CEP128: variants seen among roughly 807,000 people sequenced by gnomAD.
CEP128 encodes the protein centrosomal protein 128kDa.
Under a neutral mutation model 156.7 loss-of-function variants are expected in CEP128, and 132 were observed. That is an observed-to-expected ratio of 0.84 (90% confidence interval 0.73 to 0.97). The LOEUF (loss-of-function observed/expected upper bound fraction) is 0.97, where lower values mean the gene tolerates loss of function less well. CEP128 is among the 50% of genes least tolerant of loss of function. The pLI, the probability that CEP128 is intolerant of heterozygous loss-of-function variation, is 0.00. For synonymous variants in CEP128, 469 were observed against 448.9 expected (o/e 1.04, Z -0.57); for missense variants, 1,252 against 1,281.9 (o/e 0.98, Z 0.36).
intron 19 of CEP128, among the ~76,000 whole-genome samples, chr14:80,598,607 A>G (rs969095466): frequency 6.6e-5 from 10 of 152,174 alleles, no homozygotes; most frequent in Non-Finnish European, 1.2e-4. Context: ...TTTTGTAGCT[A>G]ACAACAAGAT....
intron 21 of CEP128, among the ~76,000 whole-genome samples, chr14:80,553,285 CCT>C (rs1381510584): frequency 2.0e-5 from 3 of 152,064 alleles, no homozygotes; most frequent in African/African-American, 7.2e-5. Flanking sequence ...ATGTTCGCTC[CCT>C]GTGTCCATGT....
At chr14:80,947,352 A>C (rs1316857343) in intron 2 of CEP128, among the ~76,000 whole-genome samples, 1 of 152,170 alleles carries the variant, frequency 6.6e-6, no homozygotes, top group Non-Finnish European at 1.5e-5. Context: ...GAAAGCAGAA[A>C]GGGAGGGGAG....
At chr14:80,721,328 G>T (rs1183894671) in intron 19 of CEP128, among the ~76,000 whole-genome samples, 1 of 152,036 alleles carries the variant, frequency 6.6e-6, no homozygotes, top group Non-Finnish European at 1.5e-5. Context: ...CCAAAAAATG[G>T]CCAGTATAAA....
chr14:80,822,476 C>T, intron 13 of CEP128: 1 of 567,856 alleles, frequency 1.8e-6, no homozygotes, highest in South Asian at 1.5e-5. Flanking sequence ...CAACCAAAGC[C>T]CGTGCACCAC....
intron 19 of CEP128, among the ~76,000 whole-genome samples, chr14:80,647,685 T>C (rs142619117): frequency 8.4e-4 from 128 of 152,166 alleles, no homozygotes; most frequent in South Asian, 4.8e-3. Flanking sequence ...GTCTGGTGAA[T>C]AGCGACCAGG....
chr14:80,666,509 T>G (rs1895619873), intron 19 of CEP128, among the ~76,000 whole-genome samples: 1 of 152,182 alleles, frequency 6.6e-6, no homozygotes, highest in Non-Finnish European at 1.5e-5. Context: ...TGAAGAATTA[T>G]CACATCATAT....
At position 80,497,430 on chromosome 14, in the gene CEP128, T is replaced by C. The variant is rs775575319; in HGVS notation, c.*49A>G. The stretch of plus-strand genomic sequence containing the variant: ...CCAAATTGCTGTAAGAATAGAGATG[T>C]TATTATTTGTAACATACTCATGTAA... On this transcript the variant is annotated 3_prime_UTR_variant, in exon 25 of 25. Coordinates refer to ENST00000555265, the MANE Select transcript of CEP128 (RefSeq NM_152446.5). 7.2e-6 allele frequency: 9 copies of C among 1,243,144 alleles called. No homozygotes were observed. The highest frequency in any genetic ancestry group is 3.0e-5 in the African/African-American group (2 of 67,214). The allele number at this position is 1,243,144 out of a possible 1,614,324, so 77.0% of individuals were successfully genotyped here.
At position 80,686,896 on chromosome 14, in the gene CEP128, CTAAATA is replaced by C. The variant is rs537992053; in HGVS notation, c.2806+56173_2806+56178del. On this transcript the variant is annotated intron_variant, in intron 19 of 24. Transcript: ENST00000555265. ...AATTCAACAAAAAGATCTAACTAAC[CTAAATA>C]TATCTGCACCCAATGCAGGAGCACC... is the stretch of plus-strand genomic sequence containing the variant. Among the ~76,000 whole-genome samples, 764 of 152,112 alleles carry C rather than the reference CTAAATA, an allele frequency of 5.0e-3. 1 individual carries two copies. The highest frequency in any genetic ancestry group is 8.6e-3 in the Non-Finnish European group (581 of 67,944).
intron 13 of CEP128, among the ~76,000 whole-genome samples, chr14:80,806,983 A>G (rs1460105359): frequency 6.6e-6 from 1 of 152,190 alleles, no homozygotes; most frequent in Non-Finnish European, 1.5e-5. Context: ...CAATTTTTCT[A>G]TTTTAAACAT....
chr14:80,485,886 T>A (rs79952363), downstream of CEP128, among the ~76,000 whole-genome samples: 917 of 152,332 alleles, frequency 6.0e-3, 51 homozygotes, highest in East Asian at 0.13. Context: ...ATGTGTATAT[T>A]CATGTAGGCT....
chr14:80,857,041 C>A (rs1167802156), intron 9 of CEP128, among the ~76,000 whole-genome samples: 1 of 151,728 alleles, frequency 6.6e-6, no homozygotes, highest in Non-Finnish European at 1.5e-5. Context: ...AGTCACCATG[C>A]CCAGCCATGT....
In CEP128 at chr14:80,556,796, T is replaced by G. The variant is rs957881929; in HGVS notation, c.2880+2483A>C. On this transcript the variant is annotated intron_variant, in intron 21 of 24. Coordinates refer to ENST00000555265, the MANE Select transcript of CEP128 (RefSeq NM_152446.5). ...TCAACCAAATATGGACCAACAACAT[T>G]TTTCTAAGTTTTAAGCACTGACTTG... 7.2e-5 allele frequency among the ~76,000 whole-genome samples: 11 copies of G among 152,132 alleles called. 2 individuals are homozygous for G. The highest frequency in any genetic ancestry group is 7.2e-4 in the Admixed American group (11 of 15,282).
intron 15 of CEP128, among the ~76,000 whole-genome samples, chr14:80,781,455 CAAAAAAAAAAA>C (rs67179008): frequency 1.1e-5 from 1 of 90,518 alleles, no homozygotes; most frequent in Admixed American, 1.3e-4. Flanking sequence ...GACTCCGTCT[CAAAAAAAAAAA>C]AAAAAAAAAG....
chr14:80,731,598 G>A (rs1032767275), intron 19 of CEP128, among the ~76,000 whole-genome samples: 2 of 152,042 alleles, frequency 1.3e-5, no homozygotes, highest in African/African-American at 4.8e-5. Flanking sequence ...GAACAACAAG[G>A]TCAATAGTCT....
intron 20 of CEP128, among the ~76,000 whole-genome samples, chr14:80,571,172 C>T (rs560871255): frequency 6.6e-6 from 1 of 152,290 alleles, no homozygotes; most frequent in South Asian, 2.1e-4. Flanking sequence ...CTATATTGTG[C>T]TGGTCCCTTA....
chr14:80,933,889 A>G (rs1212677727), intron 2 of CEP128, among the ~76,000 whole-genome samples: 2 of 152,204 alleles, frequency 1.3e-5, no homozygotes, highest in Admixed American at 1.3e-4. Context: ...GCATATGTGA[A>G]GAAAGAGATT....
chr14:80,526,788 C>A, intron 23 of CEP128, 81 bp downstream of exon 23: 1 of 678,934 alleles, frequency 1.5e-6, no homozygotes, highest in African/African-American at 1.8e-5. Context: ...CTTACACAAA[C>A]ACTGCAGAGG....
chr14:80,751,947 C>A (rs1254362971), intron 18 of CEP128, among the ~76,000 whole-genome samples: 1 of 151,896 alleles, frequency 6.6e-6, no homozygotes, highest in Non-Finnish European at 1.5e-5. Flanking sequence ...ATTTTTTAAA[C>A]CTTTGCAGTT....
chr14:80,869,172 C>T (rs1027431193), intron 8 of CEP128, among the ~76,000 whole-genome samples: 1 of 151,990 alleles, frequency 6.6e-6, no homozygotes, highest in Non-Finnish European at 1.5e-5. Context: ...CAGCAGAATA[C>T]ACATTCTTCT....
Sources: gnomAD v4.1 joint callset for allele counts (sites outside exome capture counted in the v4.1 genomes callset) on GRCh38, gnomAD v4.1.1 for gene constraint, MANE v1.5 for transcripts, NCBI Gene and HGNC (gene_info 2026-07-23, HGNC 2026-07-21) for gene names.